VWA8: variants seen among roughly 807,000 people sequenced by gnomAD.
The protein encoded by VWA8 is von Willebrand factor A domain-containing protein 8.
VWA8 carries 221 observed loss-of-function variants against 241.5 expected under a neutral mutation model. The ratio of observed to expected loss-of-function variants is 0.91; its 90% CI spans 0.82 to 1.02. VWA8 has a LOEUF of 1.02. Ranked by LOEUF, VWA8 falls within the 50% of genes least tolerant of loss-of-function variation. The pLI is 0.00. For missense variants in VWA8, 2,322 were observed against 2,328.7 expected, an observed-to-expected ratio of 1.00 and a Z score of 0.06; for synonymous variants, 852 against 827.1, an observed-to-expected ratio of 1.03 and a Z score of -0.52.
chr13:41,859,911 ATGGTG>A, intron 12 of VWA8, among the ~76,000 whole-genome samples: 1 of 152,320 alleles, frequency 6.6e-6, no homozygotes, highest in Non-Finnish European at 1.5e-5. Flanking sequence ...AGGAAAACAG[ATGGTG>A]TATCTACTTT....
At chr13:41,814,725 G>A (rs1311488992) in intron 16 of VWA8, among the ~76,000 whole-genome samples, 1 of 152,054 alleles carries the variant, frequency 6.6e-6, no homozygotes, top group Non-Finnish European at 1.5e-5. Context: ...AGATACTTGT[G>A]GAATACATTA....
At chr13:41,743,126 G>C (rs1238707354) in intron 21 of VWA8, among the ~76,000 whole-genome samples, 2 of 152,196 alleles carry the variant, frequency 1.3e-5, no homozygotes, top group Non-Finnish European at 2.9e-5. Flanking sequence ...AAGCATACGT[G>C]GGAGAGAAAG....
At chr13:41,879,236 G>C (rs1874050182) in intron 9 of VWA8, among the ~76,000 whole-genome samples, 1 of 152,104 alleles carries the variant, frequency 6.6e-6, no homozygotes, top group South Asian at 2.1e-4. Flanking sequence ...ATTGTCAGAA[G>C]ATGGTAATTT....
chr13:41,931,743 G>A (rs2138141436), intron 2 of VWA8, among the ~76,000 whole-genome samples: 1 of 151,598 alleles, frequency 6.6e-6, no homozygotes, highest in African/African-American at 2.4e-5. Context: ...GAAATTAAAA[G>A]GGAAATTACA....
At position 41,960,957 on chromosome 13, in the gene VWA8, C is replaced by G; in HGVS notation, c.59G>C (p.Arg20Pro). ...CTGCCGCAGGAGCAGCCGCATGCGCCGCGAGGCCGGGCCGCCGTGGCCTCC... is the reference window on the plus strand; with the variant it reads ...CTGCCGCAGGAGCAGCCGCATGCGCGGCGAGGCCGGGCCGCCGTGGCCTCC... ...APGGHGGPAS[R>P]RMRLLLRQVV... The change falls in exon 1 of 45, where the codon CGG becomes CCG. Residue 20 changes from arginine (R) to proline (P), a missense_variant. Physicochemically the swap from Arg to Pro is moderately radical, Grantham distance 103 (BLOSUM62 -2). Transcript: ENST00000379310. 6.9e-7 allele frequency: 1 copy of G among 1,458,558 alleles called. No individual in the cohort carries two copies. The highest frequency in any genetic ancestry group is 1.4e-5 in the South Asian group (1 of 73,780). 90.4% of individuals were successfully genotyped at this position (1,458,558 alleles called of 1,614,324 possible). A position where few individuals can be genotyped will look rare whatever the true frequency, so the allele number is the denominator to read the frequency against.
intron 17 of VWA8, among the ~76,000 whole-genome samples, chr13:41,808,454 AAG>A (rs1870321187): frequency 6.6e-6 from 1 of 152,104 alleles, no homozygotes; most frequent in Non-Finnish European, 1.5e-5. Context: ...GAGCAGGAGA[AAG>A]AGAGAGAGGC....
chr13:41,701,035 C>A (rs1216576043), intron 28 of VWA8, among the ~76,000 whole-genome samples: 1 of 152,222 alleles, frequency 6.6e-6, no homozygotes, highest in Non-Finnish European at 1.5e-5. Context: ...TCCAGCCCTA[C>A]TTTCATGGTT....
At chr13:41,690,941 CTG>C (rs2137816952) in intron 32 of VWA8, among the ~76,000 whole-genome samples, 1 of 152,204 alleles carries the variant, frequency 6.6e-6, no homozygotes, top group Non-Finnish European at 1.5e-5. Flanking sequence ...GGTGTGAACT[CTG>C]TGAATTTACA....
intron 4 of VWA8, among the ~76,000 whole-genome samples, chr13:41,899,668 T>C (rs1875325500): frequency 6.6e-6 from 1 of 152,212 alleles, no homozygotes; most frequent in African/African-American, 2.4e-5. Context: ...CAAAAAGTAC[T>C]ATCAAACTTT....
At chr13:41,928,193 A>C (rs950093400) in intron 2 of VWA8, among the ~76,000 whole-genome samples, 3 of 152,230 alleles carry the variant, frequency 2.0e-5, no homozygotes, top group Non-Finnish European at 2.9e-5. Flanking sequence ...GGATATATCA[A>C]CCAGACAGAA....
At chr13:41,670,497 G>A (rs1406871255) in intron 37 of VWA8, among the ~76,000 whole-genome samples, 5 of 151,956 alleles carry the variant, frequency 3.3e-5, no homozygotes, top group Admixed American at 3.3e-4. Context: ...TCTATTGGAT[G>A]CATATTTTTG....
chr13:41,759,551 GT>G (rs1236851297), intron 21 of VWA8, among the ~76,000 whole-genome samples: 2 of 151,380 alleles, frequency 1.3e-5, no homozygotes, highest in East Asian at 3.9e-4. Context: ...CTACAATTGT[GT>G]GTATGTGAAG....
chr13:41,700,544 G>T, intron 28 of VWA8, among the ~76,000 whole-genome samples: 1 of 151,970 alleles, frequency 6.6e-6, no homozygotes, highest in East Asian at 1.9e-4. Context: ...TAGGGCACTG[G>T]GAATACAGTA....
At chr13:41,591,192 C>G (rs889093567) in intron 40 of VWA8, among the ~76,000 whole-genome samples, 6 of 152,270 alleles carry the variant, frequency 3.9e-5, no homozygotes, top group Non-Finnish European at 7.4e-5. Flanking sequence ...GTTTGTTACT[C>G]AAGTTCTCTG....
chr13:41,773,777 A>G (rs554269893), intron 20 of VWA8, among the ~76,000 whole-genome samples: 5 of 152,380 alleles, frequency 3.3e-5, no homozygotes, highest in African/African-American at 1.2e-4. Context: ...AAATGCAAGC[A>G]CAGGCAAAGT....
At chr13:41,906,450 C>G (rs1213380010) in intron 4 of VWA8, among the ~76,000 whole-genome samples, 1 of 152,094 alleles carries the variant, frequency 6.6e-6, no homozygotes, top group East Asian at 1.9e-4. Context: ...CAAATGGGAT[C>G]ACAGTATACA....
At chr13:41,672,581 A>G in intron 36 of VWA8, among the ~76,000 whole-genome samples, 1 of 152,214 alleles carries the variant, frequency 6.6e-6, no homozygotes, top group Non-Finnish European at 1.5e-5. Context: ...ATAATATTCT[A>G]AAAGATAAAT....
At chr13:41,952,771 C>G (rs1053491651) in intron 1 of VWA8, among the ~76,000 whole-genome samples, 3 of 151,814 alleles carry the variant, frequency 2.0e-5, no homozygotes, top group Non-Finnish European at 4.4e-5. Context: ...AAGTAAAATT[C>G]ATACCTCACA....
At chr13:41,752,309 T>C (rs964764818) in intron 21 of VWA8, among the ~76,000 whole-genome samples, 2 of 152,166 alleles carry the variant, frequency 1.3e-5, no homozygotes, top group Non-Finnish European at 2.9e-5. Flanking sequence ...CATCACCTTC[T>C]ACCATATCAC....
Sources: allele counts gnomAD v4.1 joint callset (sites outside exome capture counted in the v4.1 genomes callset), GRCh38; gene constraint gnomAD v4.1.1; transcripts MANE v1.5; gene names NCBI Gene and HGNC (gene_info 2026-07-23, HGNC 2026-07-21).